The following ZNF341 variants were observed in gnomAD, a reference collection of about 807,000 sequenced individuals.
ZNF341 encodes zinc finger protein 341.
ZNF341 carries 52 observed loss-of-function variants against 87.7 expected under a neutral mutation model. The ratio of observed to expected loss-of-function variants is 0.59; its 90% CI spans 0.47 to 0.75. The LOEUF (loss-of-function observed/expected upper bound fraction) is 0.75. Among genes scored for constraint, ZNF341 ranks in the 30% least tolerant of loss-of-function variants. ZNF341 has a pLI of 0.00. For missense variants in ZNF341, 977 were observed against 1,145.9 expected, an observed-to-expected ratio of 0.85 and a Z score of 2.13; for synonymous variants, 459 against 472.7, an observed-to-expected ratio of 0.97 and a Z score of 0.38.
intron 7 of ZNF341, among the ~76,000 whole-genome samples, chr20:33,759,909 C>T (rs990703367): frequency 6.6e-6 from 1 of 152,150 alleles, no homozygotes; most frequent in Non-Finnish European, 1.5e-5. Context: ...ATCATTCCTT[C>T]CTGTAGGGAG....
At chr20:33,768,161 CGCCCAGGCTGGA>C (rs1568586385) in intron 9 of ZNF341, among the ~76,000 whole-genome samples, 1 of 151,736 alleles carries the variant, frequency 6.6e-6, no homozygotes, top group African/African-American at 2.4e-5. Flanking sequence ...CTCACTCTGT[CGCCCAGGCTGGA>C]GTGCAATGGC....
intron 10 of ZNF341, 43 bp downstream of exon 10, chr20:33,770,335 T>TGGGGGGGGGGGGGGGGG: frequency 2.6e-6 from 1 of 380,186 alleles, no homozygotes; most frequent in East Asian, 7.4e-5. Flanking sequence ...GACGGGTGGG[T>TGGGGGGGGGGGGGGGGG]GGGCAGGGAG....
intron 9 of ZNF341, among the ~76,000 whole-genome samples, chr20:33,767,352 C>T (rs1373677922): frequency 6.6e-6 from 1 of 150,854 alleles, no homozygotes; most frequent in African/African-American, 2.4e-5. Context: ...GATGGCTCAC[C>T]TTGTACTCCT....
At chr20:33,746,228 CTTTTTTTTTT>C in intron 3 of ZNF341, among the ~76,000 whole-genome samples, 1 of 104,112 alleles carries the variant, frequency 9.6e-6, no homozygotes, top group East Asian at 2.5e-4. Context: ...CGCGCCCGGC[CTTTTTTTTTT>C]TTTTTTTTTT....
intron 3 of ZNF341, among the ~76,000 whole-genome samples, chr20:33,748,457 TC>T (rs2122653069): frequency 6.6e-6 from 1 of 152,260 alleles, no homozygotes; most frequent in African/African-American, 2.4e-5. Context: ...TTTCTTTCAT[TC>T]CGTTTTTGTT....
chr20:33,760,176 G>A (rs1010209370), intron 7 of ZNF341, among the ~76,000 whole-genome samples: 2 of 152,196 alleles, frequency 1.3e-5, no homozygotes, highest in African/African-American at 4.8e-5. Context: ...GCTGAGGTGG[G>A]TAGATCACTT....
At chr20:33,745,452 T>A (rs536300440) in intron 3 of ZNF341, among the ~76,000 whole-genome samples, 153 bp downstream of exon 3, 1 of 152,232 alleles carries the variant, frequency 6.6e-6, no homozygotes, top group South Asian at 2.1e-4. Flanking sequence ...ATGTACTGTT[T>A]TCAGCATGTT....
At chr20:33,790,529 A>G (rs779976286) in intron 14 of ZNF341, among the ~76,000 whole-genome samples, 1 of 152,200 alleles carries the variant, frequency 6.6e-6, no homozygotes, top group African/African-American at 2.4e-5. Context: ...TCTGGGGGGT[A>G]AAGTCTCCCT....
At chr20:33,744,141 G>T (rs1461690919) in intron 2 of ZNF341, among the ~76,000 whole-genome samples, 1 of 152,096 alleles carries the variant, frequency 6.6e-6, no homozygotes, top group Non-Finnish European at 1.5e-5. Context: ...AAATTAGCCG[G>T]GCGTGGTGGC....
chr20:33,774,726 G>C (rs1286348696), intron 10 of ZNF341, among the ~76,000 whole-genome samples: 2 of 152,174 alleles, frequency 1.3e-5, no homozygotes, highest in Non-Finnish European at 2.9e-5. Flanking sequence ...CTAGCACTGT[G>C]GGAGGCCGAG....
chr20:33,759,258 T>C (rs969990561), intron 7 of ZNF341, among the ~76,000 whole-genome samples: 1 of 152,206 alleles, frequency 6.6e-6, no homozygotes, highest in Non-Finnish European at 1.5e-5. Context: ...GCTTGTTCAT[T>C]TCTCACACAG....
At chr20:33,757,015 A>G (rs373984568) in intron 5 of ZNF341, 133 bp from the exon 6 acceptor site, 25 of 696,348 alleles carry the variant, frequency 3.6e-5, no homozygotes, top group East Asian at 1.8e-4. Context: ...TGACCGGGCC[A>G]GGTGGAGGGG....
At chr20:33,751,247 G>C (rs527901871) in intron 4 of ZNF341, among the ~76,000 whole-genome samples, 3 of 151,904 alleles carry the variant, frequency 2.0e-5, no homozygotes, top group African/African-American at 7.2e-5. Context: ...GATTTTTTTT[G>C]TAGCATAAAT....
In ZNF341 at chr20:33,761,902, C is replaced by T. The variant is rs760896105; in HGVS notation, c.1069C>T (p.Arg357Cys). The change falls in exon 8 of 15, where the codon CGT becomes TGT. Residue 357 changes from arginine (R) to cysteine (C), a missense_variant. This residue lies in a region of ZNF341 where 515 missense variants were observed against 598.2 expected (regional missense o/e 0.86). Transcript: ENST00000375200. The part of the protein sequence containing the change: ...EKPFQCIACG[R>C]AFAQKSNVKK... The stretch of plus-strand genomic sequence containing the variant: ...GCCCTTCCAGTGCATTGCATGTGGC[C>T]GTGCCTTTGCCCAGAAGTCTAATGT... 3 of 1,590,758 alleles carry T rather than the reference C, an allele frequency of 1.9e-6. No homozygotes were observed. The highest frequency in any genetic ancestry group is 2.6e-6 in the Non-Finnish European group (3 of 1,163,262).
rs138177886 is a variant in ZNF341, at chr20:33,765,472, G to A, written c.1223-1379G>A. Among the ~76,000 whole-genome samples the A allele has an allele frequency of 5.3e-5, 8 of 151,564 alleles. No individual in the cohort carries two copies. The East Asian group carries it at 9.7e-4, about 18-fold the overall frequency. On this transcript the variant is annotated intron_variant, in intron 8 of 14. Coordinates refer to ENST00000375200, the MANE Select transcript of ZNF341 (RefSeq NM_001282933.2). Reference sequence around the variant, plus strand: ...TGGCTCCCTGCAGCCTCAACCTCCCGGGCTCAAGTGATCCTCCCACCTCAG... The same window carrying A: ...TGGCTCCCTGCAGCCTCAACCTCCCAGGCTCAAGTGATCCTCCCACCTCAG...
chr20:33,740,658 C>T (rs1385900389), intron 1 of ZNF341, among the ~76,000 whole-genome samples: 2 of 152,174 alleles, frequency 1.3e-5, no homozygotes, highest in Non-Finnish European at 2.9e-5. Context: ...GCATGCACCA[C>T]CAAGCCTACC....
intron 2 of ZNF341, among the ~76,000 whole-genome samples, chr20:33,742,782 C>T (rs1343683034): frequency 6.6e-6 from 1 of 152,126 alleles, no homozygotes; most frequent in Non-Finnish European, 1.5e-5. Context: ...TTTCCTTTTC[C>T]TTTTATGAGG....
chr20:33,752,291 C>T (rs553586011), intron 4 of ZNF341: 28 of 601,938 alleles, frequency 4.7e-5, no homozygotes, highest in African/African-American at 1.8e-4. Flanking sequence ...CAACCGCACA[C>T]GGATGCAGTA....
At position 33,744,592 on chromosome 20, in the gene ZNF341, GT is replaced by G. The variant is rs11468192; in HGVS notation, c.143-503del. Reference sequence around the variant, plus strand: ...GGCTATCCCTGCAGGAAACTGTGTGGTTTTTTTTCTTTTTTTTGAGATGGAG... The same window carrying G: ...GGCTATCCCTGCAGGAAACTGTGTGGTTTTTTTCTTTTTTTTGAGATGGAG... On this transcript the variant is annotated intron_variant, in intron 2 of 14. Coordinates refer to ENST00000375200, the MANE Select transcript of ZNF341 (RefSeq NM_001282933.2). Among the ~76,000 whole-genome samples the G allele has an allele frequency of 2.0e-5, 3 of 151,512 alleles. No homozygotes were observed. The South Asian group carries it at 6.2e-4, about 32-fold the overall frequency.
Sources: allele counts gnomAD v4.1 joint callset (sites outside exome capture counted in the v4.1 genomes callset), GRCh38; gene constraint gnomAD v4.1.1; regional missense constraint gnomAD v4.1.1; transcripts MANE v1.5; gene names NCBI Gene and HGNC (gene_info 2026-07-23, HGNC 2026-07-21).